Variants in PSD3 observed in about 807,000 individuals in gnomAD.
The protein encoded by PSD3 is PH and SEC7 domain-containing protein 3.
A neutral mutation model predicts 105.5 loss-of-function variants in PSD3; 49 were observed. That is an observed-to-expected ratio of 0.46 (90% CI 0.37 to 0.59). The LOEUF (loss-of-function observed/expected upper bound fraction) is 0.59, where lower values mean the gene tolerates loss of function less well. Among genes scored for constraint, PSD3 ranks in the 20% least tolerant of loss-of-function variants. The pLI is 0.00. For synonymous variants in PSD3, 557 were observed against 457.8 expected (o/e 1.22, Z -2.77); for missense variants, 1,561 against 1,263.8 (o/e 1.24, Z -3.57).
intron 1 of PSD3, among the ~76,000 whole-genome samples, chr8:19,039,821 A>G (rs552734109): frequency 6.6e-6 from 1 of 152,340 alleles, no homozygotes; most frequent in East Asian, 1.9e-4. Context: ...ATAGTGGAGA[A>G]TGAAGGAGAA....
chr8:18,884,016 G>A (rs1314047122), intron 2 of PSD3, among the ~76,000 whole-genome samples: 2 of 152,042 alleles, frequency 1.3e-5, no homozygotes, highest in East Asian at 3.9e-4. Context: ...TTTAACACTT[G>A]AAAATTTATA....
chr8:18,856,200 CG>C (rs1815994942), intron 4 of PSD3, among the ~76,000 whole-genome samples: 1 of 152,162 alleles, frequency 6.6e-6, no homozygotes. Flanking sequence ...CAAGGACCTC[CG>C]TGACATCCCA....
At chr8:18,827,927 TAAA>T (rs764189833) in intron 4 of PSD3, among the ~76,000 whole-genome samples, 1 of 127,926 alleles carries the variant, frequency 7.8e-6, no homozygotes, top group Non-Finnish European at 1.7e-5. Flanking sequence ...GGCAGCAGAT[TAAA>T]AAAAAAAAAA....
intron 4 of PSD3, among the ~76,000 whole-genome samples, chr8:18,817,051 T>C (rs1042970514): frequency 1.1e-4 from 16 of 152,094 alleles, no homozygotes; most frequent in African/African-American, 3.6e-4. Context: ...GTTTGGTAAG[T>C]TTTAAGTGAT....
intron 1 of PSD3, among the ~76,000 whole-genome samples, chr8:18,946,110 T>C (rs1002743768): frequency 6.6e-6 from 1 of 152,238 alleles, no homozygotes; most frequent in Admixed American, 6.5e-5. Context: ...ACTGTTCCTT[T>C]TTAGCACAGA....
At chr8:18,904,771 A>T (rs1819732826) in intron 2 of PSD3, among the ~76,000 whole-genome samples, 1 of 152,262 alleles carries the variant, frequency 6.6e-6, no homozygotes, top group East Asian at 1.9e-4. Flanking sequence ...CTACATAAAC[A>T]CGCAACTTTG....
intron 9 of PSD3, among the ~76,000 whole-genome samples, chr8:18,671,310 T>C (rs544618784): frequency 2.6e-5 from 4 of 152,286 alleles, no homozygotes; most frequent in Admixed American, 6.5e-5. Context: ...TCACTTAAAT[T>C]TGAACTTCAG....
intron 1 of PSD3, among the ~76,000 whole-genome samples, chr8:19,078,266 T>G (rs1829524112): frequency 6.6e-6 from 1 of 152,134 alleles, no homozygotes; most frequent in Non-Finnish European, 1.5e-5. Flanking sequence ...TGGAAGCAAA[T>G]CTATTTATAA....
intron 9 of PSD3, among the ~76,000 whole-genome samples, chr8:18,763,808 G>A (rs1001653581): frequency 6.6e-6 from 1 of 152,060 alleles, no homozygotes; most frequent in Non-Finnish European, 1.5e-5. Context: ...GTTTGTTATG[G>A]AAGAGAATCA....
At chr8:18,618,042 G>A (rs1305764081) in intron 11 of PSD3, among the ~76,000 whole-genome samples, 1 of 152,096 alleles carries the variant, frequency 6.6e-6, no homozygotes, top group African/African-American at 2.4e-5. Flanking sequence ...TATTCCCTCT[G>A]AAGTCTATTA....
chr8:18,743,959 T>TCACCAC (rs111311023), intron 9 of PSD3, among the ~76,000 whole-genome samples: 1,979 of 138,824 alleles, frequency 0.014, 24 homozygotes, highest in Non-Finnish European at 0.017. Flanking sequence ...ACTCTGTCTC[T>TCACCAC]CACCACCACC....
At chr8:18,929,188 C>A (rs1351959306) in intron 2 of PSD3, among the ~76,000 whole-genome samples, 5 of 151,980 alleles carry the variant, frequency 3.3e-5, no homozygotes, top group Non-Finnish European at 7.4e-5. Flanking sequence ...TTTGTTTAAT[C>A]TTCTCTAAGT....
intron 1 of PSD3, among the ~76,000 whole-genome samples, chr8:19,037,400 T>C (rs1827980230): frequency 6.6e-6 from 1 of 152,214 alleles, no homozygotes; most frequent in South Asian, 2.1e-4. Flanking sequence ...GATAGATCCG[T>C]GGCAACTTAC....
intron 4 of PSD3, among the ~76,000 whole-genome samples, chr8:18,835,886 G>A (rs10103348): frequency 0.03 from 4,587 of 151,382 alleles, 148 homozygotes; most frequent in East Asian, 0.1. Flanking sequence ...TAGATGGGGG[G>A]GCGGATCGTG....
chr8:19,069,792 G>A (rs1161606227), intron 1 of PSD3, among the ~76,000 whole-genome samples: 1 of 152,060 alleles, frequency 6.6e-6, no homozygotes, highest in Non-Finnish European at 1.5e-5. Flanking sequence ...CTAAACTAAG[G>A]TTGTCAGATA....
chr8:18,818,263 C>T (rs983429592), intron 4 of PSD3, among the ~76,000 whole-genome samples: 4 of 152,136 alleles, frequency 2.6e-5, no homozygotes, highest in African/African-American at 9.7e-5. Context: ...CCTACGTTAC[C>T]TTTATGAAAG....
chr8:18,777,124 C>A (rs1248652382), intron 8 of PSD3, among the ~76,000 whole-genome samples: 1 of 152,034 alleles, frequency 6.6e-6, no homozygotes, highest in Non-Finnish European at 1.5e-5. Context: ...CTCACTGAAA[C>A]CTCTGCCTCC....
intron 11 of PSD3, among the ~76,000 whole-genome samples, chr8:18,623,228 A>AT (rs1806244930): frequency 8.4e-6 from 1 of 118,760 alleles, no homozygotes; most frequent in Admixed American, 7.9e-5. Flanking sequence ...GAGTTTTCTA[A>AT]TTGTAATTTT....
intron 1 of PSD3, among the ~76,000 whole-genome samples, chr8:18,963,973 G>T (rs540269034): frequency 1.3e-5 from 2 of 152,110 alleles, no homozygotes; most frequent in Admixed American, 6.6e-5. Flanking sequence ...CTTTCTTCAC[G>T]AAGAGAAGAA....
Sources: gnomAD v4.1 joint callset for allele counts (sites outside exome capture counted in the v4.1 genomes callset) on GRCh38, gnomAD v4.1.1 for gene constraint, MANE v1.5 for transcripts, NCBI Gene and HGNC (gene_info 2026-07-23, HGNC 2026-07-21) for gene names.